CA14: variants seen among roughly 807,000 people sequenced by gnomAD.
The protein encoded by CA14 is CA-XIV.
A neutral mutation model predicts 48.8 loss-of-function variants in CA14; 44 were observed. The ratio of observed to expected loss-of-function variants is 0.90; its 90% CI spans 0.71 to 1.16. CA14 has a LOEUF of 1.16. Among genes scored for constraint, CA14 ranks in the 50% most tolerant of loss-of-function variants. The probability of loss-of-function intolerance (pLI) is 0.00; values close to 1 mark genes in which losing one functional copy is unlikely to be tolerated. For synonymous variants in CA14, 154 were observed against 155.0 expected (o/e 0.99, Z 0.05); for missense variants, 386 against 401.0 (o/e 0.96, Z 0.32).
chr1:150,262,742 C>T, intron 5 of CA14, 62 bp from the exon 6 acceptor site: 1 of 1,419,026 alleles, frequency 7.0e-7, no homozygotes, highest in Non-Finnish European at 1.0e-6. Context: ...TTATTCTGTA[C>T]ATAAATTTCT....
Position 150,262,848 on chromosome 1 carries a change from C to T in CA14, c.540C>T (p.His180=). ...KNIAYEHILS[H]LHEVRHKDQK... The stretch of plus-strand genomic sequence containing the variant: ...TAGCTTATGAACACATTCTGAGTCA[C>T]TTGCATGAAGTCAGGCATAAAGGTG... The change falls in exon 6 of 11, where the codon CAC becomes CAT. Residue 180 remains histidine, a synonymous_variant. Coordinates refer to ENST00000369111, the MANE Select transcript of CA14 (RefSeq NM_012113.3). The T allele has an allele frequency of 6.2e-7, 1 of 1,613,210 alleles. No homozygotes were observed. Among genetic ancestry groups the T allele is most frequent in the Non-Finnish European group, 8.5e-7 (1 of 1,179,126 alleles).
intron 1 of CA14, 48 bp downstream of exon 1, chr1:150,258,231 T>C (rs1553847132): frequency 1.3e-6 from 2 of 1,501,280 alleles, no homozygotes; most frequent in Admixed American, 3.5e-5. Flanking sequence ...GATGTTCACA[T>C]GTCGCCAGGT....
intron 3 of CA14, among the ~76,000 whole-genome samples, 164 bp downstream of exon 3, chr1:150,261,802 T>C (rs766108198): frequency 2.0e-5 from 3 of 152,146 alleles, no homozygotes; most frequent in Admixed American, 1.3e-4. Flanking sequence ...CTGACATAAA[T>C]AAACAAACAA....
rs782620252 is a variant in CA14, at chr1:150,263,702, T to C, written c.862+23T>C. On this transcript the variant is annotated intron_variant, in intron 9 of 10. Coordinates refer to ENST00000369111, the MANE Select transcript of CA14 (RefSeq NM_012113.3). Reference sequence around the variant, plus strand: ...CAGGTAAGCCAGCCTTATAAGATAATGCGGGGAGGGGAGGTGTCCTCACCG... The same window carrying C: ...CAGGTAAGCCAGCCTTATAAGATAACGCGGGGAGGGGAGGTGTCCTCACCG... The C allele has an allele frequency of 1.2e-5, 20 of 1,613,744 alleles. No homozygotes were observed. The African/African-American group carries it at 2.3e-4, about 18-fold the overall frequency.
chr1:150,260,666 G>A (rs895316825), intron 2 of CA14: 2 of 209,252 alleles, frequency 9.6e-6, no homozygotes, highest in Non-Finnish European at 2.0e-5. Flanking sequence ...GTCAGTGTGA[G>A]AGCAAGAAGT....
chr1:150,260,308 C>T (rs1650902761), intron 2 of CA14, 137 bp downstream of exon 2: 1 of 821,444 alleles, frequency 1.2e-6, no homozygotes. Flanking sequence ...TCTCCTCCTG[C>T]CTTGAGTTTC....
chr1:150,263,556 C>G, intron 8 of CA14, 103 bp from the exon 9 acceptor site: 2 of 1,610,978 alleles, frequency 1.2e-6, no homozygotes, highest in Non-Finnish European at 1.7e-6. Context: ...ACCCCCACCC[C>G]AGGGTGCCCC....
intron 5 of CA14, 81 bp downstream of exon 5, chr1:150,262,701 C>A (rs1651164561): frequency 2.2e-6 from 3 of 1,394,002 alleles, no homozygotes; most frequent in Non-Finnish European, 3.1e-6. Context: ...TGGCCTCCTT[C>A]CTATGGCAGG....
rs1300025507 is a variant in CA14 at position 150,260,156 on chromosome 1, C to A, written c.61C>A (p.His21Asn). 7 of 1,613,710 alleles carry A rather than the reference C, an allele frequency of 4.3e-6. No individual in the cohort carries two copies. The highest frequency in any genetic ancestry group is 5.1e-6 in the Non-Finnish European group (6 of 1,179,888). ...CAAACTATTCTGCCTTGCAGGTCAACACTGGACGTATGAGGGTGAGCAGAT... is the reference window on the plus strand; with the variant it reads ...CAAACTATTCTGCCTTGCAGGTCAAAACTGGACGTATGAGGGTGAGCAGAT... ...IWILAADGGQHWTYEGPHGQD... is the reference protein window; with the variant it reads ...IWILAADGGQNWTYEGPHGQD... The change falls in exon 2 of 11, where the codon CAC becomes AAC. Residue 21 changes from histidine (H) to asparagine (N), a missense_variant. Transcript: ENST00000369111.
chr1:150,263,163 A>T lies in CA14; in HGVS notation c.684A>T (p.Thr228=). 2 of 1,614,130 alleles carry T rather than the reference A, an allele frequency of 1.2e-6. No individual in the cohort carries two copies. Among genetic ancestry groups the T allele is most frequent in the East Asian group, 4.5e-5 (2 of 44,870 alleles). Residue 228 remains threonine, a synonymous_variant, in exon 7 of 11, where the codon ACA becomes ACT. Transcript: ENST00000369111. ...CTTGCTACCAGAGTGTGCTCTGGAC[A>T]GTTTTTTATAGAAGGTCCCAGATTT... ...TPPCYQSVLW[T]VFYRRSQISM... is the part of the protein sequence containing the mutation.
chr1:150,263,994 C>G, intron 10 of CA14, 116 bp downstream of exon 10: 1 of 742,834 alleles, frequency 1.3e-6, no homozygotes, highest in Non-Finnish European at 2.2e-6. Context: ...TGTGCAATCT[C>G]AGCTCACTGC....
chr1:150,263,223 A>G (rs782203061), intron 7 of CA14, 24 bp downstream of exon 7: 1 of 1,613,868 alleles, frequency 6.2e-7, no homozygotes, highest in Non-Finnish European at 8.5e-7. Context: ...AAACGAGGTG[A>G]GGTGAGACAC....
rs587632806 is a variant in CA14 at position 150,258,027 on chromosome 1, G to T, written c.-102G>T. The stretch of plus-strand genomic sequence containing the variant: ...ATACACTCACGCCAGGAGCTCGCTC[G>T]CTCTCTCTCTCTCTCTCTCACTCCT... On this transcript the variant is annotated 5_prime_UTR_variant, in exon 1 of 11. Transcript: ENST00000369111. 4.4e-4 allele frequency: 294 copies of T among 672,952 alleles called. 2 individuals are homozygous for T. Among genetic ancestry groups the T allele is most frequent in the African/African-American group, 3.1e-3 (160 of 52,320 alleles). The allele number at this position is 672,952 out of a possible 1,614,324, so 41.7% of individuals were successfully genotyped here. A position where few individuals can be genotyped will look rare whatever the true frequency, so the allele number is the denominator to read the frequency against.
chr1:150,262,139 T>C lies in CA14; in HGVS notation c.257-19T>C, dbSNP rs782005883. 1 of 1,614,008 alleles carries C rather than the reference T, an allele frequency of 6.2e-7. No homozygotes were observed. The highest frequency in any genetic ancestry group is 1.1e-5 in the South Asian group (1 of 91,066). ...ATCCACATGCCTCCACCAATCCGAGTTTGCTCTTTTCCTCACAGTGCAACT... is the reference window on the plus strand; with the variant it reads ...ATCCACATGCCTCCACCAATCCGAGCTTGCTCTTTTCCTCACAGTGCAACT... On this transcript the variant is annotated intron_variant, in intron 3 of 10. Coordinates refer to ENST00000369111, the MANE Select transcript of CA14 (RefSeq NM_012113.3).
chr1:150,258,328 G>A, intron 1 of CA14, 145 bp downstream of exon 1: 1 of 554,424 alleles, frequency 1.8e-6, no homozygotes, highest in East Asian at 3.2e-5. Context: ...AGTGGGGTGT[G>A]GAGGAGACCA....
At chr1:150,263,459 G>A in intron 8 of CA14, 40 bp downstream of exon 8, 5 of 1,611,304 alleles carry the variant, frequency 3.1e-6, no homozygotes, top group Non-Finnish European at 4.2e-6. Flanking sequence ...AAACTGAGGG[G>A]GACACAATGG....
At chr1:150,264,027 GCAATTCTCC>G in intron 10 of CA14, 149 bp downstream of exon 10, 1 of 652,324 alleles carries the variant, frequency 1.5e-6, no homozygotes, top group Non-Finnish European at 2.7e-6. Flanking sequence ...CTGGGTTCAA[GCAATTCTCC>G]TGCCTCAGCC....
rs782287242 is a variant in CA14 at position 150,258,095 on chromosome 1, A to G, written c.-34A>G. 3 of 1,574,976 alleles carry G rather than the reference A, an allele frequency of 1.9e-6. No individual in the cohort carries two copies. Among genetic ancestry groups the G allele is most frequent in the Non-Finnish European group, 2.6e-6 (3 of 1,153,160 alleles). ...CCTGTCCTAGTCCTCTAGTCCTCAA[A>G]TTCCCAGTCCCCTGCACCCCTTCCT... On this transcript the variant is annotated 5_prime_UTR_variant, in exon 1 of 11. Transcript: ENST00000369111.
chr1:150,260,415 T>G (rs978176867), intron 2 of CA14: 8 of 591,784 alleles, frequency 1.4e-5, no homozygotes, highest in Non-Finnish European at 1.8e-5. Flanking sequence ...CGTGTAGGAG[T>G]GAGGGAGCTG....
Sources: allele counts gnomAD v4.1 joint callset (sites outside exome capture counted in the v4.1 genomes callset), GRCh38; gene constraint gnomAD v4.1.1; transcripts MANE v1.5; gene names NCBI Gene and HGNC (gene_info 2026-07-23, HGNC 2026-07-21).